Variants in VSNL1 observed in about 807,000 individuals in gnomAD.
VSNL1 encodes visinin like 1, also known as visinin-like protein 1.
VSNL1 carries 6 observed loss-of-function variants against 20.4 expected under a neutral mutation model. The ratio of observed to expected loss-of-function variants is 0.29; its 90% CI spans 0.16 to 0.58. VSNL1 has a LOEUF of 0.58. VSNL1 is among the 20% of genes least tolerant of loss of function. VSNL1 has a pLI of 0.90. For synonymous variants in VSNL1, 93 were observed against 86.4 expected (o/e 1.08, Z -0.42); for missense variants, 100 against 234.5 (o/e 0.43, Z 3.75).
chr2:17,632,031 C>T (rs1207926658), intron 2 of VSNL1, among the ~76,000 whole-genome samples: 2 of 151,952 alleles, frequency 1.3e-5, no homozygotes, highest in African/African-American at 2.4e-5. Context: ...GGACTACAGG[C>T]CCATGCCACC....
At chr2:17,605,747 C>G (rs1413336804) in intron 2 of VSNL1, among the ~76,000 whole-genome samples, 1 of 152,166 alleles carries the variant, frequency 6.6e-6, no homozygotes, top group Non-Finnish European at 1.5e-5. Flanking sequence ...TATCCCCGTG[C>G]AGCCATCAAA....
chr2:17,649,317 C>A lies in VSNL1; in HGVS notation c.163-93C>A. The A allele has an allele frequency of 1.6e-6, 2 of 1,286,590 alleles. No individual in the cohort carries two copies. Among genetic ancestry groups the A allele is most frequent in the South Asian group, 1.3e-5 (1 of 79,182 alleles). The allele number at this position is 1,286,590 out of a possible 1,614,324, so 79.7% of individuals were successfully genotyped here. A position where few individuals can be genotyped will look rare whatever the true frequency, so the allele number is the denominator to read the frequency against. On this transcript the variant is annotated intron_variant, in intron 2 of 3. Transcript: ENST00000295156. This position sits in a 1 kb window ranked among gnomAD's most constrained non-coding sequence, Gnocchi z 6.4. The stretch of plus-strand genomic sequence containing the variant: ...CAATGGGTGAGGCTCCGACAACGCC[C>A]AGGAGCACCTGTGATGCCGTCATTA...
upstream of VSNL1, among the ~76,000 whole-genome samples, chr2:17,540,364 G>A (rs1360320669): frequency 6.6e-6 from 1 of 152,272 alleles, no homozygotes; most frequent in Non-Finnish European, 1.5e-5. Flanking sequence ...GGTAACCACT[G>A]GGCGTGGCGA....
At chr2:17,552,043 C>CAA (rs34823640) in intron 1 of VSNL1, among the ~76,000 whole-genome samples, 18 of 150,678 alleles carry the variant, frequency 1.2e-4, no homozygotes, top group Admixed American at 9.9e-4. Context: ...CTAAAAAATA[C>CAA]AAAAAAATTA....
intron 1 of VSNL1, among the ~76,000 whole-genome samples, chr2:17,553,267 T>A (rs927410466): frequency 1.3e-5 from 2 of 152,204 alleles, no homozygotes; most frequent in African/African-American, 2.4e-5. Context: ...TGGCTCTGAA[T>A]CTTCCCCACT....
intron 3 of VSNL1, among the ~76,000 whole-genome samples, chr2:17,654,490 T>C (rs1051684382): frequency 3.3e-5 from 5 of 152,212 alleles, no homozygotes; most frequent in African/African-American, 1.2e-4. Flanking sequence ...GACTGTTTCC[T>C]GCACCTAGAT....
Position 17,583,213 on chromosome 2 carries a change from G to A in VSNL1, c.-5-8857G>A, listed in dbSNP as rs60403290. ...CCTCCACCAAATATTCAAGTTCTCT[G>A]AATGCAAAGACAGGGGTTGCATTCC... On this transcript the variant is annotated intron_variant, in intron 1 of 3. Coordinates refer to ENST00000295156, the MANE Select transcript of VSNL1 (RefSeq NM_003385.5). Among the ~76,000 whole-genome samples, 278 of 152,276 alleles carry A rather than the reference G, an allele frequency of 1.8e-3. 1 individual carries two copies. The highest frequency in any genetic ancestry group is 6.4e-3 in the African/African-American group (268 of 41,576).
Position 17,655,134 on chromosome 2 carries a change from A to G in VSNL1, c.379-63A>G. 1 of 1,549,538 alleles carries G rather than the reference A, an allele frequency of 6.5e-7. No homozygotes were observed. The highest frequency in any genetic ancestry group is 8.8e-7 in the Non-Finnish European group (1 of 1,130,208). On this transcript the variant is annotated intron_variant, in intron 3 of 3. Coordinates refer to ENST00000295156, the MANE Select transcript of VSNL1 (RefSeq NM_003385.5). The surrounding 1 kb of genome is among the most constrained non-coding windows in gnomAD (Gnocchi z 5.2). ...GGATCCCGTCAGGTGAAAGGGAGGC[A>G]AGAAGAGCTCTCTGTCCTCCTGGGT...
At chr2:17,630,723 T>C (rs757286377) in intron 2 of VSNL1, among the ~76,000 whole-genome samples, 1 of 152,186 alleles carries the variant, frequency 6.6e-6, no homozygotes, top group Non-Finnish European at 1.5e-5. Flanking sequence ...AAATAATAAC[T>C]AGTTCAAACA....
At chr2:17,603,991 G>A (rs1030410921) in intron 2 of VSNL1, among the ~76,000 whole-genome samples, 1 of 152,158 alleles carries the variant, frequency 6.6e-6, no homozygotes, top group Non-Finnish European at 1.5e-5. Flanking sequence ...CACCAGGGGG[G>A]TCAGCAGGTA....
intron 2 of VSNL1, among the ~76,000 whole-genome samples, chr2:17,648,934 G>A (rs1462325649): frequency 1.3e-5 from 2 of 152,238 alleles, no homozygotes; most frequent in Non-Finnish European, 2.9e-5. Flanking sequence ...TGTGGGCCCA[G>A]GACGAGGGCT....
chr2:17,545,108 C>A (rs966054096), intron 1 of VSNL1, among the ~76,000 whole-genome samples: 2 of 152,034 alleles, frequency 1.3e-5, no homozygotes, highest in Non-Finnish European at 1.5e-5. Flanking sequence ...TGTACAATGT[C>A]TTTTATAGTG....
At chr2:17,639,875 T>C (rs1451145231) in intron 2 of VSNL1, among the ~76,000 whole-genome samples, 1 of 152,216 alleles carries the variant, frequency 6.6e-6, no homozygotes, top group Non-Finnish European at 1.5e-5. Context: ...ATTCTGACTC[T>C]GTTCCAATGT....
intron 1 of VSNL1, among the ~76,000 whole-genome samples, chr2:17,568,796 T>G (rs1026481036): frequency 6.6e-6 from 1 of 152,186 alleles, no homozygotes; most frequent in African/African-American, 2.4e-5. Context: ...CAGTTGAAAA[T>G]GTCTTTATCT....
chr2:17,563,972 C>T (rs1663876857), intron 1 of VSNL1, among the ~76,000 whole-genome samples: 1 of 151,984 alleles, frequency 6.6e-6, no homozygotes, highest in South Asian at 2.1e-4. Context: ...AAATCAATTC[C>T]TTTAATTACA....
chr2:17,620,168 G>C (rs1285652792), intron 2 of VSNL1, among the ~76,000 whole-genome samples: 1 of 152,208 alleles, frequency 6.6e-6, no homozygotes, highest in African/African-American at 2.4e-5. Context: ...AGTTCATTTT[G>C]CTCATGCCTA....
At chr2:17,628,264 A>G (rs1665555025) in intron 2 of VSNL1, among the ~76,000 whole-genome samples, 1 of 152,274 alleles carries the variant, frequency 6.6e-6, no homozygotes, top group African/African-American at 2.4e-5. Flanking sequence ...CATATTGGAT[A>G]TCTAACAGTT....
chr2:17,592,362 C>A, intron 2 of VSNL1, 126 bp downstream of exon 2: 1 of 1,023,856 alleles, frequency 9.8e-7, no homozygotes, highest in Non-Finnish European at 1.4e-6. Context: ...TGTTTTCCAT[C>A]CAGAAAGAAA....
intron 2 of VSNL1, among the ~76,000 whole-genome samples, chr2:17,645,995 C>T (rs898071449): frequency 6.6e-6 from 1 of 152,208 alleles, no homozygotes; most frequent in African/African-American, 2.4e-5. Flanking sequence ...CTGACAATAT[C>T]ATGTCCATTA....
Sources: allele counts gnomAD v4.1 joint callset (sites outside exome capture counted in the v4.1 genomes callset), GRCh38; gene constraint gnomAD v4.1.1; non-coding constraint Gnocchi (gnomAD v3.1); transcripts MANE v1.5; gene names NCBI Gene and HGNC (gene_info 2026-07-23, HGNC 2026-07-21).